The following LRP1B variants were observed in gnomAD, a reference collection of about 807,000 sequenced individuals.
The protein encoded by LRP1B is LDL receptor related protein 1B, also known as low-density lipoprotein receptor-related protein 1B.
A neutral mutation model predicts 556.6 loss-of-function variants in LRP1B; 217 were observed. The observed-to-expected ratio is 0.39, with a 90% CI of 0.35 to 0.44. The LOEUF (loss-of-function observed/expected upper bound fraction) is 0.44, where lower values mean the gene tolerates loss of function less well. Among genes scored for constraint, LRP1B ranks in the 20% least tolerant of loss-of-function variants. The pLI is 1.00. For missense variants in LRP1B, 5,053 were observed against 5,620.8 expected, an observed-to-expected ratio of 0.90 and a Z score of 3.23; for synonymous variants, 2,047 against 1,865.8, an observed-to-expected ratio of 1.10 and a Z score of -2.50.
intron 3 of LRP1B, among the ~76,000 whole-genome samples, chr2:141,413,145 T>G (rs1160866410): frequency 6.6e-6 from 1 of 152,032 alleles, no homozygotes; most frequent in Non-Finnish European, 1.5e-5. Flanking sequence ...GAGGATTGCT[T>G]GAGCCCGGGA....
At chr2:141,636,745 T>C (rs1689119703) in intron 2 of LRP1B, among the ~76,000 whole-genome samples, 1 of 151,606 alleles carries the variant, frequency 6.6e-6, no homozygotes, top group Non-Finnish European at 1.5e-5. Context: ...ACTTTGAGAA[T>C]GTTAAAAAGG....
intron 3 of LRP1B, among the ~76,000 whole-genome samples, chr2:141,327,873 A>AGT (rs753341188): frequency 2.1e-5 from 2 of 95,454 alleles, no homozygotes; most frequent in Non-Finnish European, 4.4e-5. Flanking sequence ...ATAGATAAAG[A>AGT]GTGAGAGAGA....
intron 54 of LRP1B, among the ~76,000 whole-genome samples, chr2:140,502,521 G>A (rs543374296): frequency 1.3e-5 from 2 of 152,096 alleles, no homozygotes; most frequent in Admixed American, 1.3e-4. Flanking sequence ...GAATAGAGAA[G>A]TGATAAACAG....
At chr2:140,522,662 C>T (rs1690233013) in intron 49 of LRP1B, among the ~76,000 whole-genome samples, 1 of 91,514 alleles carries the variant, frequency 1.1e-5, no homozygotes, top group South Asian at 5.1e-4. Context: ...TGTTGATGGA[C>T]CGCTTGCTAG....
rs138614442 is a variant in LRP1B, at chr2:141,364,867, G to A, written c.344-110226C>T. Among the ~76,000 whole-genome samples, 535 of 152,186 alleles carry A rather than the reference G, an allele frequency of 3.5e-3. 1 individual carries two copies. Among genetic ancestry groups the A allele is most frequent in the East Asian group, 0.011 (55 of 5,184 alleles). The stretch of plus-strand genomic sequence containing the variant: ...ACTTTGTAATTATATGTATGCTTCC[G>A]AGTATAAAAATAAAAATGAACACAA... On this transcript the variant is annotated intron_variant, in intron 3 of 90. Transcript: ENST00000389484.
At chr2:140,813,114 C>T (rs1163215378) in intron 32 of LRP1B, among the ~76,000 whole-genome samples, 1 of 152,072 alleles carries the variant, frequency 6.6e-6, no homozygotes, top group Non-Finnish European at 1.5e-5. Context: ...TTTTACTTAC[C>T]TAGCACCTTT....
intron 41 of LRP1B, among the ~76,000 whole-genome samples, chr2:140,673,153 A>C (rs1372594954): frequency 1.3e-5 from 2 of 152,208 alleles, no homozygotes; most frequent in African/African-American, 4.8e-5. Flanking sequence ...TATTATAAGC[A>C]GAAAGAAGGA....
At chr2:140,990,032 C>A (rs566661779) in intron 16 of LRP1B, among the ~76,000 whole-genome samples, 1 of 151,898 alleles carries the variant, frequency 6.6e-6, no homozygotes, top group Non-Finnish European at 1.5e-5. Flanking sequence ...TTGGTGAAAC[C>A]CTGTTTCTAC....
At chr2:141,912,162 A>G (rs919107532) in intron 1 of LRP1B, among the ~76,000 whole-genome samples, 2 of 152,076 alleles carry the variant, frequency 1.3e-5, no homozygotes, top group Non-Finnish European at 2.9e-5. Context: ...TTTGGCTATC[A>G]TCTGTGCATA....
intron 2 of LRP1B, among the ~76,000 whole-genome samples, chr2:141,544,303 T>A (rs55667124): frequency 0.19 from 1,408 of 7,268 alleles, 13 homozygotes; most frequent in South Asian, 0.44. Flanking sequence ...CCACTCTTCT[T>A]CTTCTTCTTC....
chr2:140,745,451 A>G (rs975471340), intron 35 of LRP1B, among the ~76,000 whole-genome samples: 1 of 152,198 alleles, frequency 6.6e-6, no homozygotes, highest in Non-Finnish European at 1.5e-5. Context: ...TTAAATCAGT[A>G]GAATAAAGCT....
intron 83 of LRP1B, among the ~76,000 whole-genome samples, chr2:140,301,531 A>G (rs1683820923): frequency 6.6e-6 from 1 of 152,170 alleles, no homozygotes; most frequent in Admixed American, 6.6e-5. Context: ...AATGTGTGAC[A>G]GAGTAAAATA....
At chr2:142,110,184 C>T (rs1437645195) in intron 1 of LRP1B, among the ~76,000 whole-genome samples, 4 of 151,952 alleles carry the variant, frequency 2.6e-5, no homozygotes, top group African/African-American at 4.8e-5. Context: ...AAAAATTCCT[C>T]TTTTTTCAAG....
At chr2:141,813,894 C>T (rs540524660) in intron 1 of LRP1B, among the ~76,000 whole-genome samples, 15 of 152,104 alleles carry the variant, frequency 9.9e-5, no homozygotes, top group South Asian at 2.1e-4. Flanking sequence ...AGAGGGTTGC[C>T]GGCTGTGGGG....
At chr2:142,094,559 T>C (rs1011428960) in intron 1 of LRP1B, among the ~76,000 whole-genome samples, 21 of 151,920 alleles carry the variant, frequency 1.4e-4, no homozygotes, top group Non-Finnish European at 5.9e-5. Context: ...AATAAGCACA[T>C]CATGCTTATT....
intron 21 of LRP1B, among the ~76,000 whole-genome samples, chr2:140,916,863 AAAC>A (rs1366122878): frequency 2.6e-5 from 4 of 152,152 alleles, no homozygotes; most frequent in African/African-American, 9.7e-5. Context: ...TTCACCACTT[AAAC>A]AATATTACAT....
chr2:140,880,498 A>C (rs1418388132), intron 25 of LRP1B, among the ~76,000 whole-genome samples: 1 of 152,156 alleles, frequency 6.6e-6, no homozygotes, highest in African/African-American at 2.4e-5. Flanking sequence ...CAGAAGACTG[A>C]AGGAATATGG....
chr2:141,593,259 T>C (rs1165165004), intron 2 of LRP1B, among the ~76,000 whole-genome samples: 1 of 152,120 alleles, frequency 6.6e-6, no homozygotes, highest in Non-Finnish European at 1.5e-5. Flanking sequence ...GATAAACAGC[T>C]TCAGTGTATT....
chr2:140,809,498 A>G (rs1690843439), intron 32 of LRP1B, among the ~76,000 whole-genome samples: 2 of 152,158 alleles, frequency 1.3e-5, no homozygotes, highest in Admixed American at 6.6e-5. Context: ...ATCCTACTTA[A>G]CATTTATGTT....
Sources: allele counts gnomAD v4.1 joint callset (sites outside exome capture counted in the v4.1 genomes callset), GRCh38; gene constraint gnomAD v4.1.1; transcripts MANE v1.5; gene names NCBI Gene and HGNC (gene_info 2026-07-23, HGNC 2026-07-21).